The following CLC variants were observed in gnomAD, a reference collection of about 807,000 sequenced individuals.
The protein encoded by CLC is Charcot-Leyden crystal galectin.
A neutral mutation model predicts 13.9 loss-of-function variants in CLC; 15 were observed. The observed-to-expected ratio is 1.08, with a 90% CI of 0.72 to 1.66. The LOEUF (loss-of-function observed/expected upper bound fraction) is 1.66. Ranked by LOEUF, CLC falls within the 40% of genes most tolerant of loss-of-function variation. The probability of loss-of-function intolerance (pLI) is 0.00; values close to 1 mark genes in which losing one functional copy is unlikely to be tolerated. For missense variants in CLC, 161 were observed against 169.1 expected (o/e 0.95, Z 0.27); for synonymous variants, 68 against 59.9 (o/e 1.14, Z -0.63).
chr19:39,733,747 G>T (rs1346376029), intron 3 of CLC, among the ~76,000 whole-genome samples: 2 of 146,024 alleles, frequency 1.4e-5, no homozygotes, highest in Non-Finnish European at 3.0e-5. Flanking sequence ...GTGTATATAT[G>T]GGTGTATGTA....
chr19:39,734,014 T>C (rs1967267811), intron 3 of CLC: 1 of 985,370 alleles, frequency 1.0e-6, no homozygotes, highest in Non-Finnish European at 1.2e-6. Flanking sequence ...GAGCTGAGGA[T>C]GGCAGTGCAA....
In CLC at chr19:39,731,260, T is replaced by G; in HGVS notation, c.*120A>C. 5.3e-6 allele frequency: 6 copies of G among 1,133,936 alleles called. No homozygotes were observed. Among genetic ancestry groups the G allele is most frequent in the Non-Finnish European group, 7.7e-6 (6 of 776,532 alleles). 70.2% of individuals were successfully genotyped at this position (1,133,936 alleles called of 1,614,324 possible). ...AAAGCAAGAACCAAATTCTGTGAAG[T>G]TTGATTAAGTTTTAATGAGCAGGAG... On this transcript the variant is annotated 3_prime_UTR_variant, in exon 4 of 4. Transcript: ENST00000221804.
chr19:39,736,570 T>G (rs139403367), intron 1 of CLC, among the ~76,000 whole-genome samples: 3,471 of 151,880 alleles, frequency 0.023, 133 homozygotes, highest in African/African-American at 0.076. Flanking sequence ...AGGTCAGGAG[T>G]TCGAGACCAG....
intron 1 of CLC, among the ~76,000 whole-genome samples, chr19:39,735,879 A>G (rs1967301550): frequency 6.6e-6 from 1 of 152,216 alleles, no homozygotes; most frequent in African/African-American, 2.4e-5. Context: ...GTAACAGTAG[A>G]GAGATTCACT....
In CLC at chr19:39,731,811, A is replaced by G. The variant is rs1967230167; in HGVS notation, c.304-306T>C. ...TCTCCAAGGCCAGGGACTGTGTTTCATAAACTTGAATCCCTGCATCTTGCA... is the reference window on the plus strand; with the variant it reads ...TCTCCAAGGCCAGGGACTGTGTTTCGTAAACTTGAATCCCTGCATCTTGCA... On this transcript the variant is annotated intron_variant, in intron 3 of 3. Coordinates refer to ENST00000221804, the MANE Select transcript of CLC (RefSeq NM_001828.6). Among the ~76,000 whole-genome samples, 5 of 152,308 alleles carry G rather than the reference A, an allele frequency of 3.3e-5. No homozygotes were observed. In the South Asian group the frequency reaches 1.0e-3, roughly 32 times the overall value.
chr19:39,733,633 G>T (rs1967260981), intron 3 of CLC, among the ~76,000 whole-genome samples: 1 of 152,284 alleles, frequency 6.6e-6, no homozygotes, highest in South Asian at 2.1e-4. Context: ...ACCATGGATA[G>T]ATTATTTCTC....
At chr19:39,735,738 A>C (rs1967298474) in intron 1 of CLC, among the ~76,000 whole-genome samples, 1 of 152,158 alleles carries the variant, frequency 6.6e-6, no homozygotes, top group Non-Finnish European at 1.5e-5. Context: ...AATAGATGTA[A>C]ACCCTTTAGC....
chr19:39,736,885 A>G (rs1967321566), intron 1 of CLC, among the ~76,000 whole-genome samples: 1 of 152,024 alleles, frequency 6.6e-6, no homozygotes, highest in Admixed American at 6.6e-5. Context: ...CATTCAATAA[A>G]TTTTTAAATT....
chr19:39,736,490 G>T (rs1468107947), intron 1 of CLC, among the ~76,000 whole-genome samples: 3 of 152,122 alleles, frequency 2.0e-5, no homozygotes, highest in Non-Finnish European at 4.4e-5. Flanking sequence ...AAAACTCACT[G>T]CAGGCTGGGC....
chr19:39,734,552 A>G, intron 2 of CLC, 59 bp from the exon 3 acceptor site: 1 of 1,425,464 alleles, frequency 7.0e-7, no homozygotes, highest in South Asian at 1.2e-5. Context: ...CACACAAGAC[A>G]CACACACAAG....
At chr19:39,734,239 A>G (rs755688084) in intron 3 of CLC, 44 bp downstream of exon 3, 1 of 1,589,182 alleles carries the variant, frequency 6.3e-7, no homozygotes, top group Non-Finnish European at 8.6e-7. Context: ...TCCTGCTCTG[A>G]GATCCCATGG....
chr19:39,734,051 A>G (rs953845483), intron 3 of CLC: 1 of 985,296 alleles, frequency 1.0e-6, no homozygotes, highest in Admixed American at 6.1e-5. Flanking sequence ...AGCAAGCAAC[A>G]ACACCTGTTG....
intron 3 of CLC, among the ~76,000 whole-genome samples, chr19:39,732,288 G>GCC (rs965654838): frequency 8.5e-5 from 9 of 105,744 alleles, no homozygotes; most frequent in Admixed American, 8.4e-4. Context: ...GTGTCCATGT[G>GCC]ATCTCATTGT....
Position 39,731,320 on chromosome 19 carries a change from C to T in CLC, c.*60G>A. On this transcript the variant is annotated 3_prime_UTR_variant, in exon 4 of 4. Transcript: ENST00000221804. ...AAGTGAGAAAAGATCATGCTGTTAG[C>T]TGGCTTTGGAATCCCAAGTTCACGT... is the stretch of plus-strand genomic sequence containing the variant. The T allele has an allele frequency of 6.4e-7, 1 of 1,555,670 alleles. No homozygotes were observed. Among genetic ancestry groups the T allele is most frequent in the Non-Finnish European group, 8.8e-7 (1 of 1,130,104 alleles).
intron 2 of CLC, 72 bp downstream of exon 2, chr19:39,734,925 A>C (rs1659246981): frequency 8.5e-7 from 1 of 1,175,938 alleles, no homozygotes; most frequent in South Asian, 1.3e-5. Flanking sequence ...CATGATTCAC[A>C]CATGAGGTCA....
At chr19:39,733,279 G>C (rs1231643906) in intron 3 of CLC, among the ~76,000 whole-genome samples, 1 of 152,162 alleles carries the variant, frequency 6.6e-6, no homozygotes, top group African/African-American at 2.4e-5. Context: ...ACTTTAATCT[G>C]AATAAAATGT....
rs138120072 is a variant in CLC at position 39,735,374 on chromosome 19, A to G, written c.16-301T>C. Among the ~76,000 whole-genome samples the G allele has an allele frequency of 7.2e-5, 11 of 152,326 alleles. No homozygotes were observed. The East Asian group carries it at 1.7e-3, about 24-fold the overall frequency. Reference sequence around the variant, plus strand: ...GGTCTAATTGAATCACCCAGGCTGTAGTGAACTGGCACAATCACAGCCCAC... The same window carrying G: ...GGTCTAATTGAATCACCCAGGCTGTGGTGAACTGGCACAATCACAGCCCAC... On this transcript the variant is annotated intron_variant, in intron 1 of 3. Transcript: ENST00000221804.
At chr19:39,735,825 C>T (rs73559744) in intron 1 of CLC, among the ~76,000 whole-genome samples, 1,611 of 152,182 alleles carry the variant, frequency 0.011, 23 homozygotes, top group African/African-American at 0.032. Flanking sequence ...CACTGACCTG[C>T]GATCATCTTC....
intron 1 of CLC, among the ~76,000 whole-genome samples, chr19:39,736,375 T>G (rs1967309982): frequency 6.6e-6 from 1 of 152,044 alleles, no homozygotes; most frequent in Non-Finnish European, 1.5e-5. Context: ...CAAATGAAGA[T>G]TGTGGGTCAG....
Sources: allele counts gnomAD v4.1 joint callset (sites outside exome capture counted in the v4.1 genomes callset), GRCh38; gene constraint gnomAD v4.1.1; transcripts MANE v1.5; gene names NCBI Gene and HGNC (gene_info 2026-07-23, HGNC 2026-07-21).